SYT3: variants seen among roughly 807,000 people sequenced by gnomAD.
The protein encoded by SYT3 is synaptotagmin 3.
A neutral mutation model predicts 50.6 loss-of-function variants in SYT3; 25 were observed. The observed-to-expected ratio is 0.49, with a 90% CI of 0.36 to 0.69. The LOEUF is 0.69. SYT3 is among the 30% of genes least tolerant of loss of function. SYT3 has a pLI of 0.00. For synonymous variants in SYT3, 323 were observed against 353.9 expected, an observed-to-expected ratio of 0.91 and a Z score of 0.98; for missense variants, 589 against 793.6, an observed-to-expected ratio of 0.74 and a Z score of 3.10.
At chr19:50,641,116 G>A (rs1984662759), upstream of SYT3, among the ~76,000 whole-genome samples, 1 of 149,586 alleles carries the variant, frequency 6.7e-6, no homozygotes, top group Non-Finnish European at 1.5e-5. Context: ...GCGTGCACCT[G>A]TAGTCCCACC....
intron 4 of SYT3, among the ~76,000 whole-genome samples, chr19:50,631,732 C>T (rs973878098): frequency 2.6e-5 from 4 of 151,836 alleles, no homozygotes; most frequent in Admixed American, 1.3e-4. Flanking sequence ...TTCCCTGAGT[C>T]GCTTTCCTGT....
chr19:50,625,373 G>A lies in SYT3; in HGVS notation c.1574+20C>T, dbSNP rs1002446602. 12 of 1,537,816 alleles carry A rather than the reference G, an allele frequency of 7.8e-6. No homozygotes were observed. The highest frequency in any genetic ancestry group is 5.0e-5 in the East Asian group (2 of 40,308). ...ACCCCAGCCCTCCTGCCTGACCCCCGCCCGGGCCGCGCCCCTCACCAGTCG... is the reference window on the plus strand; with the variant it reads ...ACCCCAGCCCTCCTGCCTGACCCCCACCCGGGCCGCGCCCCTCACCAGTCG... On this transcript the variant is annotated intron_variant, in intron 8 of 10. Coordinates refer to ENST00000600079, the MANE Select transcript of SYT3 (RefSeq NM_001160329.2). The surrounding 1 kb of genome is among the most constrained non-coding windows in gnomAD (Gnocchi z 7.5).
intron 6 of SYT3, chr19:50,626,273 G>C: frequency 2.3e-6 from 1 of 439,644 alleles, no homozygotes; most frequent in Non-Finnish European, 4.1e-6. Flanking sequence ...GGAGGGGAGA[G>C]ACAGAGAAGG....
In SYT3 at chr19:50,625,572, C is replaced by T. The variant is rs1984021510; in HGVS notation, c.1403-8G>A. ...AGGCCTTCACGTAGGGGTCTGGGAA[C>T]AGCAATGAAGTAAGGAACAGAGACT... On this transcript the variant is annotated splice_polypyrimidine_tract_variant and splice_region_variant and intron_variant, in intron 7 of 10. Transcript: ENST00000600079. The surrounding 1 kb of genome is among the most constrained non-coding windows in gnomAD (Gnocchi z 7.5). 6.4e-7 allele frequency: 1 copy of T among 1,572,728 alleles called. No individual in the cohort carries two copies. Among genetic ancestry groups the T allele is most frequent in the Non-Finnish European group, 8.6e-7 (1 of 1,160,994 alleles).
At chr19:50,641,546 C>A (rs1401990063), upstream of SYT3, among the ~76,000 whole-genome samples, 2 of 151,722 alleles carry the variant, frequency 1.3e-5, no homozygotes, top group Admixed American at 6.6e-5. Flanking sequence ...AAAGCAAGAC[C>A]CCCATCTCAA....
intron 6 of SYT3, among the ~76,000 whole-genome samples, chr19:50,627,608 C>A (rs1984122305): frequency 6.6e-6 from 1 of 151,950 alleles, no homozygotes; most frequent in East Asian, 1.9e-4. Context: ...GTAATCCCAG[C>A]TACTTGGGTG....
At chr19:50,652,871 G>A in the SYT3 span, among the ~76,000 whole-genome samples, 5 of 152,056 alleles carry the variant, frequency 3.3e-5, no homozygotes, top group Admixed American at 6.6e-5. Flanking sequence ...TTGAGAACAC[G>A]CACACTGGAT....
Position 50,623,613 on chromosome 19 carries a change from C to CAAAAAAAAAAAAAAAAAAAA in SYT3, c.1708-878_1708-859dup, listed in dbSNP as rs529397903. On this transcript the variant is annotated intron_variant, in intron 9 of 10. Coordinates refer to ENST00000600079, the MANE Select transcript of SYT3 (RefSeq NM_001160329.2). ...ACAACATGGCAAAACCCTGTCTCTA[C>CAAAAAAAAAAAAAAAAAAAA]AAAAAAAAAAAAAAAAAAAAAAAAA... Among the ~76,000 whole-genome samples, 13 of 91,618 alleles carry CAAAAAAAAAAAAAAAAAAAA rather than the reference C, an allele frequency of 1.4e-4. 1 individual carries two copies. The highest frequency in any genetic ancestry group is 2.2e-4 in the African/African-American group (5 of 22,916). 60.1% of individuals were successfully genotyped at this position (91,618 alleles called of 152,430 possible). A position where few individuals can be genotyped will look rare whatever the true frequency, so the allele number is the denominator to read the frequency against.
intron 2 of SYT3, among the ~76,000 whole-genome samples, chr19:50,638,425 A>G (rs1984564586): frequency 6.6e-6 from 1 of 150,922 alleles, no homozygotes; most frequent in South Asian, 2.1e-4. Context: ...GGGGGTGGAG[A>G]GGTGGAGATG....
Position 50,632,584 on chromosome 19 carries a change from G to C in SYT3, c.376C>G (p.Leu126Val). The change falls in exon 4 of 11, where the codon CTG (leucine) becomes GTG (valine). Residue 126 changes from leucine to valine, a missense_variant. By Grantham distance (32) the Leu-to-Val change is conservative. This residue lies in a region of SYT3 where 316 missense variants were observed against 354.3 expected (regional missense o/e 0.89). Coordinates refer to ENST00000600079, the MANE Select transcript of SYT3 (RefSeq NM_001160329.2). The surrounding 1 kb of genome is among the most constrained non-coding windows in gnomAD (Gnocchi z 4.7). Reference sequence around the variant, plus strand: ...GCATGGTGGTGTGGGCCGCCCAGCAGAGGATGGCCACCCAGGCCAGCCGCC... The same window carrying C: ...GCATGGTGGTGTGGGCCGCCCAGCACAGGATGGCCACCCAGGCCAGCCGCC... ...HLAAGLGGHPLLGGPHHHAHA... is the reference protein window; with the variant it reads ...HLAAGLGGHPVLGGPHHHAHA... 6.3e-7 allele frequency: 1 copy of C among 1,583,956 alleles called. No individual in the cohort carries two copies. Among genetic ancestry groups the C allele is most frequent in the Non-Finnish European group, 8.6e-7 (1 of 1,165,632 alleles).
the SYT3 span, chr19:50,649,565 C>T: frequency 1.3e-6 from 2 of 1,513,244 alleles, no homozygotes; most frequent in African/African-American, 1.4e-5. Context: ...CCAGGCAGTG[C>T]GTAGTAGCCC....
At chr19:50,645,061 A>G in the SYT3 span, among the ~76,000 whole-genome samples, 70 of 152,370 alleles carry the variant, frequency 4.6e-4, 1 homozygote, top group African/African-American at 5.3e-4. Flanking sequence ...GTGTGTAAAT[A>G]CAGATTCACT....
chr19:50,658,016 G>A, the SYT3 span: 12 of 1,535,330 alleles, frequency 7.8e-6, no homozygotes, highest in Non-Finnish European at 1.0e-5. Context: ...CCACCTGGAG[G>A]TGCTGCAAGC....
intron 6 of SYT3, 57 bp from the exon 7 acceptor site, chr19:50,626,074 T>C (rs769965552): frequency 6.3e-6 from 10 of 1,583,866 alleles, no homozygotes; most frequent in Non-Finnish European, 8.6e-6. Flanking sequence ...CAACTCTCCC[T>C]GATTTTCTCT....
In SYT3 at chr19:50,626,620, G is replaced by A. The variant is rs201514945; in HGVS notation, c.1282-603C>T. ...AGAGAGGGGGACAGAGACCCAGAGA[G>A]AGGAGGACAGACCCAGAGAGAGAAA... On this transcript the variant is annotated intron_variant, in intron 6 of 10. Transcript: ENST00000600079. 9.9e-5 allele frequency among the ~76,000 whole-genome samples: 15 copies of A among 150,904 alleles called. No homozygotes were observed. The East Asian group carries it at 2.9e-3, about 29-fold the overall frequency.
At position 50,629,402 on chromosome 19, in the gene SYT3, G is replaced by T. The variant is rs376499919; in HGVS notation, c.1173C>A (p.Arg391=). ...KLHFSVYDFD[R]FSRHDLIGQV... is the part of the protein sequence containing the mutation. ...GGCCGATGAGGTCGTGCCGCGAGAA[G>T]CGGTCAAAGTCATAGACGCTGAAGT... is the stretch of plus-strand genomic sequence containing the variant. The change falls in exon 6 of 11, where the codon CGC becomes CGA. Residue 391 remains arginine, a synonymous_variant. Coordinates refer to ENST00000600079, the MANE Select transcript of SYT3 (RefSeq NM_001160329.2). 3 of 1,614,060 alleles carry T rather than the reference G, an allele frequency of 1.9e-6. No individual in the cohort carries two copies. The highest frequency in any genetic ancestry group is 1.3e-5 in the African/African-American group (1 of 75,052).
chr19:50,625,777 G>C lies in SYT3; in HGVS notation c.1402+120C>G. 3.1e-6 allele frequency: 1 copy of C among 318,898 alleles called. No homozygotes were observed. Among genetic ancestry groups the C allele is most frequent in the Non-Finnish European group, 5.5e-6 (1 of 181,514 alleles). The allele number at this position is 318,898 out of a possible 1,614,324, so 19.8% of individuals were successfully genotyped here. A position where few individuals can be genotyped will look rare whatever the true frequency, so the allele number is the denominator to read the frequency against. On this transcript the variant is annotated intron_variant, in intron 7 of 10. Coordinates refer to ENST00000600079, the MANE Select transcript of SYT3 (RefSeq NM_001160329.2). This position sits in a 1 kb window ranked among gnomAD's most constrained non-coding sequence, Gnocchi z 7.5. ...CCTGGCCCCTCCTCCCTCAGACCCA[G>C]GAGTCCAGATCCCCAGCTCCTCCTC...
At chr19:50,623,962 CT>C (rs950343718) in intron 9 of SYT3, among the ~76,000 whole-genome samples, 2,076 of 138,948 alleles carry the variant, frequency 0.015, 25 homozygotes, top group African/African-American at 0.039. Flanking sequence ...CATATACTTG[CT>C]TTTTTTTTTT....
At position 50,630,183 on chromosome 19, in the gene SYT3, T is replaced by TG; in HGVS notation, c.675-13dup. 1 of 1,323,632 alleles carries TG rather than the reference T, an allele frequency of 7.6e-7. No homozygotes were observed. Among genetic ancestry groups the TG allele is most frequent in the African/African-American group, 1.5e-5 (1 of 67,324 alleles). The allele number at this position is 1,323,632 out of a possible 1,614,324, so 82.0% of individuals were successfully genotyped here. A position where few individuals can be genotyped will look rare whatever the true frequency, so the allele number is the denominator to read the frequency against. On this transcript the variant is annotated splice_polypyrimidine_tract_variant and intron_variant, in intron 4 of 10. Transcript: ENST00000600079. ...GCAGGGCTGGGTACCTGTAGGGGGT[T>TG]GGGGGGAGACCAAGGTGAGGTCAGT...
Sources: gnomAD v4.1 joint callset for allele counts (sites outside exome capture counted in the v4.1 genomes callset) on GRCh38, gnomAD v4.1.1 for gene constraint, gnomAD v4.1.1 regional missense constraint, Gnocchi (gnomAD v3.1) non-coding constraint, MANE v1.5 for transcripts, NCBI Gene and HGNC (gene_info 2026-07-23, HGNC 2026-07-21) for gene names.